TBCK: variants seen among roughly 807,000 people sequenced by gnomAD.
The protein encoded by TBCK is TBC1 domain containing kinase, also known as TBC domain-containing protein kinase-like protein.
A neutral mutation model predicts 113.4 loss-of-function variants in TBCK; 99 were observed. That is an observed-to-expected ratio of 0.87 (90% CI 0.74 to 1.03). The LOEUF (loss-of-function observed/expected upper bound fraction) is 1.03, where lower values mean the gene tolerates loss of function less well. TBCK is among the 50% of genes least tolerant of loss of function. The pLI, the probability that TBCK is intolerant of heterozygous loss-of-function variation, is 0.00. For synonymous variants in TBCK, 369 were observed against 370.8 expected, an observed-to-expected ratio of 1.00 and a Z score of 0.05; for missense variants, 1,045 against 1,061.3, an observed-to-expected ratio of 0.98 and a Z score of 0.21.
At chr4:106,171,683 G>T (rs72968445) in intron 22 of TBCK, among the ~76,000 whole-genome samples, 6,867 of 152,146 alleles carry the variant, frequency 0.045, 514 homozygotes, top group African/African-American at 0.15. Flanking sequence ...AATACAATTT[G>T]GGAATAGGTA....
At chr4:106,240,305 C>T (rs1019947969) in intron 12 of TBCK, among the ~76,000 whole-genome samples, 1 of 151,800 alleles carries the variant, frequency 6.6e-6, no homozygotes, top group African/African-American at 2.4e-5. Flanking sequence ...CAGGAGTGCC[C>T]ACTATTTGTT....
At position 106,137,301 on chromosome 4, in the gene TBCK, G is replaced by A. The variant is rs1028395021; in HGVS notation, c.2236-20923C>T. 4.3e-5 allele frequency among the ~76,000 whole-genome samples: 6 copies of A among 140,722 alleles called. 1 individual carries two copies. Among genetic ancestry groups the A allele is most frequent in the Middle Eastern group, 3.5e-3 (1 of 282 alleles). 92.3% of individuals were successfully genotyped at this position (140,722 alleles called of 152,430 possible). A position where few individuals can be genotyped will look rare whatever the true frequency, so the allele number is the denominator to read the frequency against. On this transcript the variant is annotated intron_variant, in intron 23 of 25. Transcript: ENST00000394708. ...ATAATGCTGAGAAAAATCTTAAATTGTATAATATTAATAAGACTTGTAAAA... is the reference window on the plus strand; with the variant it reads ...ATAATGCTGAGAAAAATCTTAAATTATATAATATTAATAAGACTTGTAAAA...
chr4:106,154,581 T>C lies in TBCK; in HGVS notation c.2235+16514A>G, dbSNP rs538546573. Among the ~76,000 whole-genome samples, 4 of 152,258 alleles carry C rather than the reference T, an allele frequency of 2.6e-5. 1 individual carries two copies. Among genetic ancestry groups the C allele is most frequent in the African/African-American group, 9.6e-5 (4 of 41,540 alleles). ...CTTAACACCACCGTCCTTGGTGTTG[T>C]CGTCGCAATAGTGAGTTCTTGTGTA... is the stretch of plus-strand genomic sequence containing the variant. On this transcript the variant is annotated intron_variant, in intron 23 of 25. Transcript: ENST00000394708.
intron 3 of TBCK, among the ~76,000 whole-genome samples, chr4:106,289,529 G>C (rs1765455571): frequency 6.6e-6 from 1 of 152,090 alleles, no homozygotes. Flanking sequence ...CCAGCACTTT[G>C]AGAGGCTGAG....
At chr4:106,302,827 T>C (rs1158390595) in intron 2 of TBCK, among the ~76,000 whole-genome samples, 2 of 152,186 alleles carry the variant, frequency 1.3e-5, no homozygotes, top group Admixed American at 6.5e-5. Flanking sequence ...ATTAATTGCT[T>C]GGTGATGTAA....
intron 23 of TBCK, among the ~76,000 whole-genome samples, chr4:106,156,613 T>C (rs1749154351): frequency 6.6e-6 from 1 of 152,166 alleles, no homozygotes; most frequent in South Asian, 2.1e-4. Flanking sequence ...TTCCCTCTGC[T>C]TTCCATAGGC....
At chr4:106,100,227 C>T (rs972065244) in intron 24 of TBCK, among the ~76,000 whole-genome samples, 1 of 152,096 alleles carries the variant, frequency 6.6e-6, no homozygotes, top group African/African-American at 2.4e-5. Context: ...ATATTTATTT[C>T]GTCTTTGAAT....
At chr4:106,191,766 A>G (rs72891627) in intron 22 of TBCK, among the ~76,000 whole-genome samples, 4,098 of 152,312 alleles carry the variant, frequency 0.027, 178 homozygotes, top group African/African-American at 0.094. Flanking sequence ...AGAGCAATTA[A>G]GCAAAGAAAC....
intron 19 of TBCK, among the ~76,000 whole-genome samples, chr4:106,214,194 C>T (rs1214896931): frequency 6.6e-6 from 1 of 152,082 alleles, no homozygotes; most frequent in African/African-American, 2.4e-5. Flanking sequence ...ACAGAAAGGA[C>T]ATCCACACCA....
At chr4:106,074,432 C>T (rs747881100) in intron 25 of TBCK, among the ~76,000 whole-genome samples, 5 of 152,076 alleles carry the variant, frequency 3.3e-5, no homozygotes, top group Admixed American at 6.6e-5. Flanking sequence ...ACTGAGTGCT[C>T]ACTAGTATCA....
At chr4:106,100,159 T>A (rs969582787) in intron 24 of TBCK, among the ~76,000 whole-genome samples, 3 of 152,210 alleles carry the variant, frequency 2.0e-5, no homozygotes, top group Admixed American at 2.0e-4. Context: ...TGATTTTATA[T>A]AAAATTTTCT....
Position 106,236,786 on chromosome 4 carries a change from T to C in TBCK, c.1193A>G (p.Glu398Gly). ...ATCTTCAAGTAATGGGTAAAATGCT[T>C]CTCCACCAACATCTTTCAATCTCTG... Reference protein sequence around the residue: ...LRNRLKDVGGEAFYPLLEDDQ... With the variant: ...LRNRLKDVGGGAFYPLLEDDQ... Residue 398 changes from glutamate to glycine, a missense_variant, in exon 13 of 26, where the codon GAA becomes GGA. Coordinates refer to ENST00000394708, the MANE Select transcript of TBCK (RefSeq NM_001163435.3). The C allele has an allele frequency of 6.6e-7, 1 of 1,521,086 alleles. No homozygotes were observed. The highest frequency in any genetic ancestry group is 8.8e-7 in the Non-Finnish European group (1 of 1,134,196). 94.2% of individuals were successfully genotyped at this position (1,521,086 alleles called of 1,614,324 possible).
intron 24 of TBCK, among the ~76,000 whole-genome samples, chr4:106,111,473 C>A (rs1354255175): frequency 6.6e-6 from 1 of 152,162 alleles, no homozygotes; most frequent in Non-Finnish European, 1.5e-5. Context: ...TACCAGCTAT[C>A]AATAATGAAA....
intron 19 of TBCK, among the ~76,000 whole-genome samples, chr4:106,222,289 T>G (rs1387312304): frequency 6.6e-6 from 1 of 152,186 alleles, no homozygotes; most frequent in East Asian, 1.9e-4. Context: ...TTAAAAATTT[T>G]TGTTTCTCTC....
Position 106,258,988 on chromosome 4 carries a change from C to T in TBCK, c.455+1449G>A, listed in dbSNP as rs188249075. Among the ~76,000 whole-genome samples the T allele has an allele frequency of 8.4e-4, 128 of 151,940 alleles. 1 individual carries two copies. Among genetic ancestry groups the T allele is most frequent in the African/African-American group, 2.8e-3 (116 of 41,548 alleles). ...TTCAATACACAAAACTGTAAGACTA[C>T]GAATTTATGTACCTTAATAAGCAGT... On this transcript the variant is annotated intron_variant, in intron 5 of 25. Transcript: ENST00000394708.
At chr4:106,119,754 A>G (rs1026346981) in intron 23 of TBCK, among the ~76,000 whole-genome samples, 1 of 152,170 alleles carries the variant, frequency 6.6e-6, no homozygotes, top group African/African-American at 2.4e-5. Flanking sequence ...ATATGTGCAA[A>G]CTCTCCATCA....
chr4:106,054,728 A>G (rs1348063779), intron 25 of TBCK, among the ~76,000 whole-genome samples: 2 of 151,684 alleles, frequency 1.3e-5, no homozygotes, highest in Non-Finnish European at 3.0e-5. Flanking sequence ...CTGAGCATCT[A>G]CTGTGTGTCA....
At chr4:106,065,379 G>A (rs1408413969) in intron 25 of TBCK, among the ~76,000 whole-genome samples, 1 of 152,018 alleles carries the variant, frequency 6.6e-6, no homozygotes, top group African/African-American at 2.4e-5. Context: ...AGTAGCCAAA[G>A]ATGTAATATC....
At chr4:106,247,032 G>T in intron 10 of TBCK, 107 bp downstream of exon 10, 1 of 1,130,038 alleles carries the variant, frequency 8.8e-7, no homozygotes. Flanking sequence ...TAATTCCCAT[G>T]ATCCCACCAA....
Sources: gnomAD v4.1 joint callset for allele counts (sites outside exome capture counted in the v4.1 genomes callset) on GRCh38, gnomAD v4.1.1 for gene constraint, MANE v1.5 for transcripts, NCBI Gene and HGNC (gene_info 2026-07-23, HGNC 2026-07-21) for gene names.